The following KLHL28 variants were observed in gnomAD, a reference collection of about 807,000 sequenced individuals.
KLHL28 encodes the protein kelch like family member 28.
A neutral mutation model predicts 48.3 loss-of-function variants in KLHL28; 22 were observed. That is an observed-to-expected ratio of 0.46 (90% CI 0.33 to 0.65). The LOEUF is 0.65. Among genes scored for constraint, KLHL28 ranks in the 30% least tolerant of loss-of-function variants. The pLI, the probability that KLHL28 is intolerant of heterozygous loss-of-function variation, is 0.03. For synonymous variants in KLHL28, 243 were observed against 242.4 expected (o/e 1.00, Z -0.02); for missense variants, 527 against 704.3 (o/e 0.75, Z 2.85).
At chr14:44,939,777 G>A (rs1259227696) in intron 2 of KLHL28, among the ~76,000 whole-genome samples, 1 of 152,056 alleles carries the variant, frequency 6.6e-6, no homozygotes, top group African/African-American at 2.4e-5. Context: ...CTCTTCTTCT[G>A]AGCCCTCACC....
At chr14:44,959,089 T>TA (rs1884926026) in intron 1 of KLHL28, among the ~76,000 whole-genome samples, 1 of 151,732 alleles carries the variant, frequency 6.6e-6, no homozygotes, top group African/African-American at 2.4e-5. Context: ...AATAATAAAT[T>TA]AAAAAATATA....
intron 3 of KLHL28, among the ~76,000 whole-genome samples, chr14:44,931,951 T>A (rs1052170197): frequency 2.0e-5 from 3 of 151,892 alleles, no homozygotes; most frequent in Non-Finnish European, 4.4e-5. Context: ...CATATAAGAA[T>A]AAAGTCAAAT....
chr14:44,934,428 G>A lies in KLHL28; in HGVS notation c.1030C>T (p.Arg344Cys), dbSNP rs1162419619. Reference sequence around the variant, plus strand: ...TGTTTTCTGATAGTGACGCCAGGACGCACATTAGTTGCAATACCACCTATA... The same window carrying A: ...TGTTTTCTGATAGTGACGCCAGGACACACATTAGTTGCAATACCACCTATA... The part of the protein sequence containing the change: ...YVIGGIATNV[R>C]PGVTIRKHEN... Residue 344 changes from arginine (R) to cysteine (C), a missense_variant, in exon 3 of 5, where the codon CGT becomes TGT. By Grantham distance (180) the Arg-to-Cys change is radical. Transcript: ENST00000396128. The A allele has an allele frequency of 4.3e-6, 7 of 1,613,952 alleles. No homozygotes were observed. In the Middle Eastern group the frequency reaches 4.9e-4, roughly 114 times the overall value.
At chr14:44,931,629 A>C in intron 3 of KLHL28, 88 bp from the exon 4 acceptor site, 1 of 897,522 alleles carries the variant, frequency 1.1e-6, no homozygotes, top group Non-Finnish European at 1.7e-6. Flanking sequence ...ACAGCTTTAA[A>C]AGTTCACATA....
At chr14:44,935,278 A>T (rs1594568160) in intron 2 of KLHL28, among the ~76,000 whole-genome samples, 1 of 152,204 alleles carries the variant, frequency 6.6e-6, no homozygotes, top group African/African-American at 2.4e-5. Context: ...AGGAATGAAG[A>T]TAGTGGTCAC....
chr14:44,955,798 T>C (rs896062697), intron 1 of KLHL28, among the ~76,000 whole-genome samples: 2 of 151,824 alleles, frequency 1.3e-5, no homozygotes, highest in African/African-American at 2.4e-5. Context: ...AATAAATAAA[T>C]AAATACATCC....
intron 1 of KLHL28, among the ~76,000 whole-genome samples, chr14:44,955,054 G>GT (rs942138534): frequency 5.9e-5 from 9 of 152,028 alleles, no homozygotes; most frequent in Non-Finnish European, 8.8e-5. Context: ...AAGCAAATGA[G>GT]TAATGATATG....
chr14:44,939,999 C>T (rs562803374), intron 2 of KLHL28, among the ~76,000 whole-genome samples: 66 of 152,252 alleles, frequency 4.3e-4, no homozygotes, highest in African/African-American at 1.4e-3. Context: ...TTATAAAGAA[C>T]AAAAGTTTAT....
chr14:44,941,893 A>T (rs1884112778), intron 2 of KLHL28, among the ~76,000 whole-genome samples: 1 of 152,132 alleles, frequency 6.6e-6, no homozygotes, highest in Non-Finnish European at 1.5e-5. Context: ...TTCATTCACA[A>T]TCAATCCTTT....
rs765163069 is a variant in KLHL28, at chr14:44,931,541, A to G, written c.1344T>C (p.Ser448=). The change falls in exon 4 of 5, where the codon AGT becomes AGC. Residue 448 remains serine, a splice_region_variant and synonymous_variant. Transcript: ENST00000396128. ...IGGYGPAHMN[S]VERYDPSKDS... is the part of the protein sequence containing the mutation. ...CCTTACTTGGATCATAACGCTCCAC[A>G]CTGCAAATATTTAAAAAAAATTTAA... is the stretch of plus-strand genomic sequence containing the variant. The G allele has an allele frequency of 1.5e-5, 24 of 1,604,590 alleles. No homozygotes were observed. Among genetic ancestry groups the G allele is most frequent in the East Asian group, 2.2e-5 (1 of 44,838 alleles).
chr14:44,945,474 AGGTCAC>A lies in KLHL28; in HGVS notation c.449_454del (p.Arg150_Asp151del), dbSNP rs1336259640. ...TATGTATTTAGTGGCTGCCAAATAA[AGGTCAC>A]GGCAACCATATGTTTCTGCAAAACG... is the stretch of plus-strand genomic sequence containing the variant. On this transcript the variant is annotated inframe_deletion, in exon 2 of 5. Transcript: ENST00000396128. 6.2e-7 allele frequency: 1 copy of A among 1,614,114 alleles called. No homozygotes were observed. The highest frequency in any genetic ancestry group is 1.7e-5 in the Admixed American group (1 of 60,008).
In KLHL28 at chr14:44,931,594, T is replaced by C. The variant is rs555135904; in HGVS notation, c.1344-53A>G. On this transcript the variant is annotated intron_variant, in intron 3 of 4. Transcript: ENST00000396128. ...TACAGATCTTTTGTGTCATTCTTCC[T>C]GTCAAAGCAAAACTAAAACCCACTA... 1.7e-4 allele frequency: 244 copies of C among 1,422,608 alleles called. 1 individual carries two copies. Among genetic ancestry groups the C allele is most frequent in the African/African-American group, 1.7e-3 (119 of 70,118 alleles). 88.1% of individuals were successfully genotyped at this position (1,422,608 alleles called of 1,614,324 possible).
intron 1 of KLHL28, among the ~76,000 whole-genome samples, chr14:44,950,485 CAT>C (rs1884532693): frequency 6.6e-6 from 1 of 152,178 alleles, no homozygotes; most frequent in Non-Finnish European, 1.5e-5. Flanking sequence ...ACACCATCAA[CAT>C]ATGACACGCA....
At position 44,928,935 on chromosome 14, in the gene KLHL28, C is replaced by A. The variant is rs1047380343; in HGVS notation, c.*93G>T. 4 of 1,127,338 alleles carry A rather than the reference C, an allele frequency of 3.5e-6. No homozygotes were observed. Among genetic ancestry groups the A allele is most frequent in the Non-Finnish European group, 3.8e-6 (3 of 787,478 alleles). The allele number at this position is 1,127,338 out of a possible 1,614,324, so 69.8% of individuals were successfully genotyped here. ...ATGCTACTTCAAGTTAAAAAGAAAG[C>A]AATGCAGCTTGTGGGTTTCAGAAAA... is the stretch of plus-strand genomic sequence containing the variant. On this transcript the variant is annotated 3_prime_UTR_variant, in exon 5 of 5. Transcript: ENST00000396128.
intron 1 of KLHL28, among the ~76,000 whole-genome samples, chr14:44,949,631 A>G (rs1407372974): frequency 6.6e-6 from 1 of 152,118 alleles, no homozygotes; most frequent in Non-Finnish European, 1.5e-5. Context: ...TGAAGCTGCA[A>G]AGGACAGCAA....
At chr14:44,942,325 C>T (rs571732625) in intron 2 of KLHL28, among the ~76,000 whole-genome samples, 2 of 152,106 alleles carry the variant, frequency 1.3e-5, no homozygotes, top group African/African-American at 4.8e-5. Context: ...AAAATGAATG[C>T]CCCATTCTCT....
At chr14:44,933,750 T>C (rs1456814063) in intron 3 of KLHL28, among the ~76,000 whole-genome samples, 5 of 152,224 alleles carry the variant, frequency 3.3e-5, no homozygotes, top group Admixed American at 3.3e-4. Flanking sequence ...ACACAGGAAT[T>C]AAATTTCTAC....
In KLHL28 at chr14:44,945,687, A is replaced by G. The variant is rs1426123595; in HGVS notation, c.242T>C (p.Ile81Thr). 6.2e-7 allele frequency: 1 copy of G among 1,614,054 alleles called. No homozygotes were observed. ...AATGGCCTGGAGAGCAGTTTCATCA[A>G]TGCATTGAAACTCAACCTCACTGTT... ...KENSEVEFQC[I>T]DETALQAIVE... The change falls in exon 2 of 5, where the codon ATT becomes ACT. Residue 81 changes from isoleucine (I) to threonine (T), a missense_variant. Transcript: ENST00000396128.
intron 1 of KLHL28, among the ~76,000 whole-genome samples, chr14:44,947,236 T>C (rs970267213): frequency 4.6e-5 from 7 of 151,930 alleles, no homozygotes; most frequent in African/African-American, 9.7e-5. Flanking sequence ...GAGACTAGAG[T>C]GCTGCAGCCA....
Sources: gnomAD v4.1 joint callset for allele counts (sites outside exome capture counted in the v4.1 genomes callset) on GRCh38, gnomAD v4.1.1 for gene constraint, MANE v1.5 for transcripts, NCBI Gene and HGNC (gene_info 2026-07-23, HGNC 2026-07-21) for gene names.